The following ADAR variants were observed in gnomAD, a reference collection of about 807,000 sequenced individuals.
ADAR encodes adenosine deaminase RNA specific, also known as double-stranded RNA-specific adenosine deaminase.
ADAR carries 41 observed loss-of-function variants against 113.2 expected under a neutral mutation model. The observed-to-expected ratio is 0.36, with a 90% CI of 0.28 to 0.47. The LOEUF (loss-of-function observed/expected upper bound fraction) is 0.47, where lower values mean the gene tolerates loss of function less well. ADAR is among the 20% of genes least tolerant of loss of function. The probability of loss-of-function intolerance (pLI) is 1.00; values close to 1 mark genes in which losing one functional copy is unlikely to be tolerated. For synonymous variants in ADAR, 605 were observed against 572.6 expected, an observed-to-expected ratio of 1.06 and a Z score of -0.81; for missense variants, 1,242 against 1,540.9, an observed-to-expected ratio of 0.81 and a Z score of 3.25.
At chr1:154,627,925 A>ACCCCCCCC (rs1698994455) in exon 1 of ADAR, 9 of 293,264 alleles carry the variant, frequency 3.1e-5, no homozygotes, top group Non-Finnish European at 4.7e-5. Context: ...CCCTCCCCCC[A>ACCCCCCCC]CCCTCCCCCA....
chr1:154,596,694 C>T, intron 6 of ADAR, 111 bp downstream of exon 6: 3 of 1,279,672 alleles, frequency 2.3e-6, no homozygotes, highest in Non-Finnish European at 3.3e-6. Context: ...GACTTGTTTC[C>T]CTCAACTCGC....
At chr1:154,614,922 T>TAAG (rs2101687913) in intron 1 of ADAR, among the ~76,000 whole-genome samples, 1 of 152,352 alleles carries the variant, frequency 6.6e-6, no homozygotes, top group African/African-American at 2.4e-5. Context: ...GTGTTTCTTT[T>TAAG]AGTGTTGGCA....
chr1:154,592,927 G>A (rs1571075975), intron 6 of ADAR, among the ~76,000 whole-genome samples: 1 of 152,046 alleles, frequency 6.6e-6, no homozygotes, highest in African/African-American at 2.4e-5. Context: ...TCTGAGGTCA[G>A]GAGTTGAAGA....
intron 1 of ADAR, among the ~76,000 whole-genome samples, chr1:154,625,266 C>T (rs994311169): frequency 2.6e-5 from 4 of 152,220 alleles, no homozygotes; most frequent in Non-Finnish European, 5.9e-5. Flanking sequence ...TCCCCCACTG[C>T]ACCAGGTTTA....
At position 154,607,799 on chromosome 1, in the gene ADAR, G is replaced by A. The variant is rs541472260; in HGVS notation, c.15+193C>T. Among the ~76,000 whole-genome samples the A allele has an allele frequency of 1.2e-4, 18 of 148,546 alleles. 1 individual carries two copies. The highest frequency in any genetic ancestry group is 1.2e-3 in the Admixed American group (18 of 14,928). On this transcript the variant is annotated intron_variant, in intron 1 of 14. Transcript: ENST00000368474. ...CTAAACCAGCAATGCTGCTTGGCAA[G>A]ACGACACACACCCACACACACACAC...
chr1:154,590,307 G>T lies in ADAR; in HGVS notation c.2373C>A (p.Val791=), dbSNP rs770697736. The T allele has an allele frequency of 6.2e-7, 1 of 1,613,974 alleles. No individual in the cohort carries two copies. Among genetic ancestry groups the T allele is most frequent in the African/African-American group, 1.3e-5 (1 of 74,886 alleles). ...CTGCCTTCTCGTTCTCCCCAATCAA[G>T]ACACGGAGAGCCGCATCTGCTGCTT... ...KQEAADAALR[V]LIGENEKAER... is the part of the protein sequence containing the mutation. The change falls in exon 7 of 15, where the codon GTC becomes GTA. Residue 791 remains valine (V), a synonymous_variant. Transcript: ENST00000368474.
Position 154,597,770 on chromosome 1 carries a change from T to C in ADAR, c.1934+58A>G, listed in dbSNP as rs1464513906. The stretch of plus-strand genomic sequence containing the variant: ...ATCCCTGAGGAGGCAAGGAAGAAAA[T>C]GTGTCTCTTTTTCTTTCTGAGAAAA... On this transcript the variant is annotated intron_variant, in intron 4 of 14. Transcript: ENST00000368474. 6 of 1,605,772 alleles carry C rather than the reference T, an allele frequency of 3.7e-6. No homozygotes were observed. The African/African-American group carries it at 4.0e-5, about 11-fold the overall frequency.
upstream of ADAR, among the ~76,000 whole-genome samples, chr1:154,610,879 G>GGGAGTTTT (rs929237883): frequency 2.7e-5 from 4 of 150,304 alleles, no homozygotes; most frequent in Admixed American, 2.7e-4. Context: ...GGAGAAAGGT[G>GGGAGTTTT]GGAGTTTTGA....
chr1:154,619,155 G>A (rs776106106), intron 1 of ADAR, among the ~76,000 whole-genome samples: 6 of 152,170 alleles, frequency 3.9e-5, no homozygotes, highest in Non-Finnish European at 8.8e-5. Flanking sequence ...CTAGAACTAT[G>A]CCTCCCTTTC....
chr1:154,612,142 C>A (rs1698502848), upstream of ADAR, among the ~76,000 whole-genome samples: 1 of 152,102 alleles, frequency 6.6e-6, no homozygotes, highest in South Asian at 2.1e-4. Flanking sequence ...CCAGACTTTA[C>A]TACACACATG....
At chr1:154,587,952 A>G (rs557622274) in intron 11 of ADAR, among the ~76,000 whole-genome samples, 173 bp downstream of exon 11, 7 of 152,332 alleles carry the variant, frequency 4.6e-5, no homozygotes, top group East Asian at 1.9e-4. Flanking sequence ...CACATTCAAA[A>G]TAGAACCCTG....
intron 1 of ADAR, among the ~76,000 whole-genome samples, chr1:154,619,861 G>A (rs1402296469): frequency 1.3e-5 from 2 of 152,170 alleles, no homozygotes; most frequent in African/African-American, 2.4e-5. Flanking sequence ...AAAATGGTAC[G>A]ACTAACTATT....
chr1:154,599,798 G>C (rs1697741130), intron 2 of ADAR, among the ~76,000 whole-genome samples: 1 of 152,222 alleles, frequency 6.6e-6, no homozygotes, highest in South Asian at 2.1e-4. Flanking sequence ...CCAGCTATCT[G>C]AGTGAGGTAA....
At position 154,601,725 on chromosome 1, in the gene ADAR, T is replaced by C; in HGVS notation, c.917A>G (p.Tyr306Cys). Residue 306 changes from tyrosine to cysteine, a missense_variant, in exon 2 of 15, where the codon TAT (tyrosine) becomes TGT (cysteine). Physicochemically the swap from Tyr to Cys is radical, Grantham distance 194. Transcript: ENST00000368474. This position sits in a 1 kb window ranked among gnomAD's most constrained non-coding sequence, Gnocchi z 4.7. ...AGAGGAGTCAGACACATTGAAGAGA[T>C]AGTCGCAGATTTTCTCCTTGATCTC... The part of the protein sequence containing the change: ...MAEIKEKICD[Y>C]LFNVSDSSAL... 1 of 1,614,230 alleles carries C rather than the reference T, an allele frequency of 6.2e-7. No individual in the cohort carries two copies. Among genetic ancestry groups the C allele is most frequent in the Non-Finnish European group, 8.5e-7 (1 of 1,180,042 alleles).
intron 1 of ADAR, among the ~76,000 whole-genome samples, chr1:154,615,444 C>T (rs1357266018): frequency 6.6e-6 from 1 of 152,232 alleles, no homozygotes; most frequent in Non-Finnish European, 1.5e-5. Flanking sequence ...GACAAGGTCT[C>T]TGTCACCCAG....
At position 154,602,300 on chromosome 1, in the gene ADAR, A is replaced by T. The variant is rs140333905; in HGVS notation, c.342T>A (p.Arg114=). Residue 114 remains arginine (R), a synonymous_variant, in exon 2 of 15, where the codon CGT becomes CGA. Coordinates refer to ENST00000368474, the MANE Select transcript of ADAR (RefSeq NM_001111.5). ...LQRGFQHPSP[R]GRSLPQRGVD... The stretch of plus-strand genomic sequence containing the variant: ...CACCTCTCTGTGGCAGACTCCTGCC[A>T]CGTGGTGAAGGATGCTGGAACCCTC... 6.2e-7 allele frequency: 1 copy of T among 1,613,822 alleles called. No homozygotes were observed. The highest frequency in any genetic ancestry group is 8.5e-7 in the Non-Finnish European group (1 of 1,179,900).
At position 154,588,158 on chromosome 1, in the gene ADAR, T is replaced by C; in HGVS notation, c.2986A>G (p.Lys996Glu). ...SRHYPVFENPKQGKLRTKVEN... is the reference protein window; with the variant it reads ...SRHYPVFENPEQGKLRTKVEN... ...ACCTTGGTGCGGAGCTTTCCTTGTT[T>C]GGGATTCTCGAAGACAGGGTAGTGG... The change falls in exon 11 of 15, where the codon AAA becomes GAA. Residue 996 changes from lysine (K) to glutamate (E), a missense_variant. Physicochemically the swap from Lys to Glu is moderately conservative, Grantham distance 56. Coordinates refer to ENST00000368474, the MANE Select transcript of ADAR (RefSeq NM_001111.5). 6.2e-7 allele frequency: 1 copy of C among 1,614,052 alleles called. No individual in the cohort carries two copies. Among genetic ancestry groups the C allele is most frequent in the Non-Finnish European group, 8.5e-7 (1 of 1,180,012 alleles).
chr1:154,598,701 A>AGGC, intron 2 of ADAR, 116 bp from the exon 3 acceptor site: 1 of 1,099,452 alleles, frequency 9.1e-7, no homozygotes, highest in East Asian at 2.4e-5. Context: ...TCACTTGTGG[A>AGGC]GATGAAGGGT....
At chr1:154,606,960 C>A (rs1454632707) in intron 1 of ADAR, among the ~76,000 whole-genome samples, 1 of 126,950 alleles carries the variant, frequency 7.9e-6, no homozygotes, top group Admixed American at 8.0e-5. Flanking sequence ...ATATATATAT[C>A]TTAACAAAAT....
Sources: gnomAD v4.1 joint callset for allele counts (sites outside exome capture counted in the v4.1 genomes callset) on GRCh38, gnomAD v4.1.1 for gene constraint, Gnocchi (gnomAD v3.1) non-coding constraint, MANE v1.5 for transcripts, NCBI Gene and HGNC (gene_info 2026-07-23, HGNC 2026-07-21) for gene names.